Variants in GCH1 observed in about 807,000 individuals in gnomAD.
The protein encoded by GCH1 is GTP cyclohydrolase 1, also known as GTP cyclohydrolase I.
Under a neutral mutation model 25.9 loss-of-function variants are expected in GCH1, and 5 were observed. That is an observed-to-expected ratio of 0.19 (90% CI 0.10 to 0.41). The LOEUF (loss-of-function observed/expected upper bound fraction) is 0.41. Ranked by LOEUF, GCH1 falls within the 10% of genes least tolerant of loss-of-function variation. The pLI is 1.00. For synonymous variants in GCH1, 159 were observed against 129.6 expected (o/e 1.23, Z -1.54); for missense variants, 261 against 336.5 (o/e 0.78, Z 1.75).
intron 3 of GCH1, among the ~76,000 whole-genome samples, chr14:54,847,475 T>C (rs1432618940): frequency 6.6e-6 from 1 of 152,154 alleles, no homozygotes; most frequent in Non-Finnish European, 1.5e-5. Context: ...CAGAAATATA[T>C]GAAAAGGCAA....
chr14:54,888,706 G>A (rs1321911764), intron 1 of GCH1, among the ~76,000 whole-genome samples: 1 of 140,766 alleles, frequency 7.1e-6, no homozygotes, highest in African/African-American at 2.6e-5. Context: ...TGTATTTTTA[G>A]TAGAGACAGG....
rs1475277842 is a variant in GCH1, at chr14:54,902,688, C to T, written c.-25G>A. 40 of 1,433,596 alleles carry T rather than the reference C, an allele frequency of 2.8e-5. No individual in the cohort carries two copies. Among genetic ancestry groups the T allele is most frequent in the Non-Finnish European group, 3.4e-5 (37 of 1,100,216 alleles). 88.8% of individuals were successfully genotyped at this position (1,433,596 alleles called of 1,614,324 possible). A position where few individuals can be genotyped will look rare whatever the true frequency, so the allele number is the denominator to read the frequency against. ...TGGACCCGCCGCAGCCGCTGCCGTT[C>T]GGGAAGGACCCCGGGGCGCTTCGAG... On this transcript the variant is annotated 5_prime_UTR_variant, in exon 1 of 6. Coordinates refer to ENST00000491895, the MANE Select transcript of GCH1 (RefSeq NM_000161.3).
intron 1 of GCH1, among the ~76,000 whole-genome samples, chr14:54,873,171 GA>G (rs1241261834): frequency 6.6e-6 from 1 of 152,104 alleles, no homozygotes; most frequent in Non-Finnish European, 1.5e-5. Context: ...AATCAAACTA[GA>G]ACTCAGGATT....
chr14:54,856,431 G>A (rs987961301), intron 3 of GCH1, among the ~76,000 whole-genome samples: 10 of 152,022 alleles, frequency 6.6e-5, no homozygotes, highest in African/African-American at 1.2e-4. Flanking sequence ...TCAAGATTTC[G>A]TACATTCACT....
intron 2 of GCH1, among the ~76,000 whole-genome samples, chr14:54,859,977 C>T (rs1201969462): frequency 6.6e-6 from 1 of 152,114 alleles, no homozygotes; most frequent in East Asian, 1.9e-4. Flanking sequence ...AATCAAATAA[C>T]AAACTTGTAC....
rs113368191 is a variant in GCH1 at position 54,882,669 on chromosome 14, G to GA, written c.344-17234dup. Reference sequence around the variant, plus strand: ...AGGTCTAGTTCACAGCAGTTCTACAGAAAAAAAAAACACACCAATCTGATT... The same window carrying GA: ...AGGTCTAGTTCACAGCAGTTCTACAGAAAAAAAAAAACACACCAATCTGATT... On this transcript the variant is annotated intron_variant, in intron 1 of 5. Coordinates refer to ENST00000491895, the MANE Select transcript of GCH1 (RefSeq NM_000161.3). Among the ~76,000 whole-genome samples the GA allele has an allele frequency of 9.9e-4, 145 of 147,120 alleles. 1 individual carries two copies. The highest frequency in any genetic ancestry group is 6.4e-3 in the South Asian group (30 of 4,656).
intron 3 of GCH1, among the ~76,000 whole-genome samples, chr14:54,848,942 A>G (rs978373923): frequency 2.6e-5 from 4 of 152,212 alleles, no homozygotes; most frequent in Non-Finnish European, 5.9e-5. Flanking sequence ...TTTGTTATAT[A>G]TGTAGGAGAT....
intron 1 of GCH1, among the ~76,000 whole-genome samples, chr14:54,879,418 C>T (rs1302519578): frequency 1.3e-5 from 1 of 75,784 alleles, no homozygotes; most frequent in Admixed American, 1.7e-4. Flanking sequence ...AAGTCCCTGT[C>T]TCAAAAAAAA....
At chr14:54,887,429 CAA>C (rs149856065) in intron 1 of GCH1, among the ~76,000 whole-genome samples, 1 of 151,942 alleles carries the variant, frequency 6.6e-6, no homozygotes, top group African/African-American at 2.4e-5. Flanking sequence ...AACAAACAAA[CAA>C]AAATCATACA....
intron 1 of GCH1, among the ~76,000 whole-genome samples, chr14:54,888,582 C>T (rs1025687542): frequency 4.6e-5 from 7 of 151,818 alleles, no homozygotes; most frequent in African/African-American, 9.7e-5. Flanking sequence ...GCATGATCTC[C>T]GCTCACTGCA....
intron 3 of GCH1, among the ~76,000 whole-genome samples, chr14:54,856,310 A>C (rs1594979925): frequency 6.6e-6 from 1 of 151,914 alleles, no homozygotes; most frequent in Non-Finnish European, 1.5e-5. Flanking sequence ...TGCCCTGTGC[A>C]CTCTCCTTGA....
intron 1 of GCH1, among the ~76,000 whole-genome samples, chr14:54,871,918 ACT>A (rs2040084999): frequency 6.6e-6 from 1 of 152,190 alleles, no homozygotes; most frequent in African/African-American, 2.4e-5. Flanking sequence ...GTTGGAAAAC[ACT>A]CTGCAGGATA....
intron 1 of GCH1, among the ~76,000 whole-genome samples, chr14:54,900,234 G>T (rs1452561407): frequency 6.7e-6 from 1 of 148,576 alleles, no homozygotes; most frequent in African/African-American, 2.5e-5. Context: ...TCTGGAGACA[G>T]AGTCTCCCTC....
intron 1 of GCH1, among the ~76,000 whole-genome samples, chr14:54,877,511 C>G (rs540947606): frequency 2.0e-5 from 3 of 151,360 alleles, no homozygotes; most frequent in African/African-American, 7.3e-5. Context: ...TTTTTTCTCT[C>G]GAGACAGGGT....
intron 3 of GCH1, among the ~76,000 whole-genome samples, chr14:54,854,511 T>C (rs1428149161): frequency 1.3e-5 from 2 of 151,434 alleles, no homozygotes; most frequent in African/African-American, 4.9e-5. Context: ...AATGTGGCCA[T>C]ACAAGTACCA....
intron 1 of GCH1, chr14:54,885,113 A>T (rs1566679488): frequency 1.0e-5 from 3 of 292,368 alleles, no homozygotes; most frequent in Non-Finnish European, 1.4e-5. Flanking sequence ...ATGTCAGTAC[A>T]AACTCTGCCA....
chr14:54,894,076 T>C (rs1172054515), intron 1 of GCH1, among the ~76,000 whole-genome samples: 1 of 152,214 alleles, frequency 6.6e-6, no homozygotes, highest in East Asian at 1.9e-4. Context: ...AAATTCCTAC[T>C]AATTTTTTTA....
chr14:54,842,298 G>C lies in GCH1; in HGVS notation c.*1719C>G, dbSNP rs551251353. The C allele has an allele frequency of 1.3e-5, 2 of 152,530 alleles. No homozygotes were observed. Among genetic ancestry groups the C allele is most frequent in the Admixed American group, 1.3e-4 (2 of 15,266 alleles). The allele number at this position is 152,530 out of a possible 1,614,324, so 9.4% of individuals were successfully genotyped here. A position where few individuals can be genotyped will look rare whatever the true frequency, so the allele number is the denominator to read the frequency against. ...CACTTCTAGGAAATGTTAGAACAAC[G>C]AGTCATTAAAAAGGAATATAAATGA... On this transcript the variant is annotated 3_prime_UTR_variant, in exon 6 of 6. Coordinates refer to ENST00000491895, the MANE Select transcript of GCH1 (RefSeq NM_000161.3).
Position 54,843,678 on chromosome 14 carries a change from T to A in GCH1, c.*339A>T. On this transcript the variant is annotated 3_prime_UTR_variant, in exon 6 of 6. Coordinates refer to ENST00000491895, the MANE Select transcript of GCH1 (RefSeq NM_000161.3). ...TTCCCTCTCATTCCCAATGCTCCTA[T>A]GCTTATGAGGCAAATTACTGTACTA... 1.3e-6 allele frequency: 2 copies of A among 1,594,364 alleles called. No homozygotes were observed. The highest frequency in any genetic ancestry group is 1.7e-6 in the Non-Finnish European group (2 of 1,172,164).
Sources: allele counts gnomAD v4.1 joint callset (sites outside exome capture counted in the v4.1 genomes callset), GRCh38; gene constraint gnomAD v4.1.1; transcripts MANE v1.5; gene names NCBI Gene and HGNC (gene_info 2026-07-23, HGNC 2026-07-21).